Variants in AUTS2 observed in about 807,000 individuals in gnomAD.
The protein encoded by AUTS2 is activator of transcription and developmental regulator AUTS2.
A neutral mutation model predicts 112.4 loss-of-function variants in AUTS2; 17 were observed. The ratio of observed to expected loss-of-function variants is 0.15; its 90% CI spans 0.10 to 0.23. The LOEUF (loss-of-function observed/expected upper bound fraction) is 0.23, where lower values mean the gene tolerates loss of function less well. Ranked by LOEUF, AUTS2 falls within the 10% of genes least tolerant of loss-of-function variation. The pLI is 1.00. For synonymous variants in AUTS2, 751 were observed against 702.7 expected (o/e 1.07, Z -1.09); for missense variants, 1,510 against 1,701.6 (o/e 0.89, Z 1.98).
At chr7:70,229,906 G>C (rs756299224) in intron 4 of AUTS2, among the ~76,000 whole-genome samples, 17 of 151,992 alleles carry the variant, frequency 1.1e-4, no homozygotes, top group Non-Finnish European at 2.4e-4. Flanking sequence ...TGTCCAATTG[G>C]TTCTATTTAA....
At chr7:69,788,904 A>G (rs886869557) in intron 1 of AUTS2, among the ~76,000 whole-genome samples, 4 of 152,124 alleles carry the variant, frequency 2.6e-5, no homozygotes, top group African/African-American at 9.7e-5. Flanking sequence ...CGCGTCTAGC[A>G]CTCTGAGTTA....
At chr7:70,486,709 A>G (rs929634824) in intron 5 of AUTS2, among the ~76,000 whole-genome samples, 2 of 152,142 alleles carry the variant, frequency 1.3e-5, no homozygotes, top group Non-Finnish European at 2.9e-5. Flanking sequence ...CAGTGAGCCA[A>G]GATCACGCCA....
At chr7:69,690,575 A>G (rs1336803156) in intron 1 of AUTS2, among the ~76,000 whole-genome samples, 1 of 152,178 alleles carries the variant, frequency 6.6e-6, no homozygotes, top group Non-Finnish European at 1.5e-5. Flanking sequence ...GGGCAGCTCC[A>G]TATGAGGCTG....
chr7:70,137,565 A>G (rs1477785981), intron 4 of AUTS2, among the ~76,000 whole-genome samples: 1 of 152,016 alleles, frequency 6.6e-6, no homozygotes, highest in African/African-American at 2.4e-5. Flanking sequence ...TGAGGTTTCA[A>G]TTTGCATAGT....
chr7:70,290,436 C>A (rs1788656600), intron 4 of AUTS2: 1 of 1,544,090 alleles, frequency 6.5e-7, no homozygotes, highest in East Asian at 2.5e-5. Context: ...AGAGGGATGT[C>A]AGCAACACTT....
chr7:69,708,470 A>G (rs1798164032), intron 1 of AUTS2, among the ~76,000 whole-genome samples: 1 of 152,216 alleles, frequency 6.6e-6, no homozygotes, highest in African/African-American at 2.4e-5. Flanking sequence ...GGTAGTGGTC[A>G]TCTGTGAGTC....
chr7:69,678,565 G>T (rs763808826), intron 1 of AUTS2, among the ~76,000 whole-genome samples: 3 of 152,230 alleles, frequency 2.0e-5, no homozygotes, highest in Non-Finnish European at 4.4e-5. Context: ...CAGACAGGCT[G>T]AACTGGTGCT....
chr7:70,099,474 G>C (rs1196954039), intron 2 of AUTS2, among the ~76,000 whole-genome samples: 3 of 150,718 alleles, frequency 2.0e-5, no homozygotes, highest in Non-Finnish European at 4.4e-5. Flanking sequence ...CATTTTTTTG[G>C]CTTTAAGCCC....
chr7:70,118,259 A>T, intron 3 of AUTS2, 26 bp downstream of exon 3: 2 of 1,557,162 alleles, frequency 1.3e-6, no homozygotes, highest in Non-Finnish European at 1.7e-6. Flanking sequence ...AAAAAAAAAA[A>T]AAAAAAAATT....
At chr7:69,876,484 G>GTATA in intron 1 of AUTS2, among the ~76,000 whole-genome samples, 1 of 54,274 alleles carries the variant, frequency 1.8e-5, no homozygotes, top group Non-Finnish European at 3.7e-5. Context: ...AATATTTTGT[G>GTATA]TATATATATA....
chr7:69,680,471 G>A (rs1389652865), intron 1 of AUTS2, among the ~76,000 whole-genome samples: 1 of 152,050 alleles, frequency 6.6e-6, no homozygotes, highest in African/African-American at 2.4e-5. Context: ...ATTACAAAGT[G>A]TACCATCTTA....
At chr7:69,718,052 T>C (rs1374058790) in intron 1 of AUTS2, among the ~76,000 whole-genome samples, 2 of 152,192 alleles carry the variant, frequency 1.3e-5, no homozygotes, top group Non-Finnish European at 2.9e-5. Flanking sequence ...TAAAGGCTAA[T>C]TTTAACAATT....
intron 1 of AUTS2, among the ~76,000 whole-genome samples, chr7:69,738,518 T>C (rs1787131651): frequency 6.6e-6 from 1 of 152,120 alleles, no homozygotes; most frequent in Non-Finnish European, 1.5e-5. Flanking sequence ...CCCCAGCTGA[T>C]ATTTTTGTGC....
At chr7:70,308,313 G>T (rs979196718) in intron 4 of AUTS2, among the ~76,000 whole-genome samples, 1 of 152,126 alleles carries the variant, frequency 6.6e-6, no homozygotes, top group Non-Finnish European at 1.5e-5. Flanking sequence ...TTAATTTTCT[G>T]CCATCAGCAT....
chr7:70,053,544 G>GGTTTTTTT (rs1801848925), intron 2 of AUTS2, among the ~76,000 whole-genome samples: 1 of 127,848 alleles, frequency 7.8e-6, no homozygotes, highest in African/African-American at 3.1e-5. Context: ...GTTTTGGGTG[G>GGTTTTTTT]TTTTTTTTTT....
chr7:70,331,632 G>T (rs568487343), intron 4 of AUTS2, among the ~76,000 whole-genome samples: 1 of 151,056 alleles, frequency 6.6e-6, no homozygotes. Flanking sequence ...TAATCAAGTC[G>T]GCTTCATCCC....
intron 4 of AUTS2, among the ~76,000 whole-genome samples, chr7:70,392,276 A>G (rs1020345521): frequency 1.3e-5 from 2 of 152,118 alleles, no homozygotes; most frequent in African/African-American, 4.8e-5. Context: ...TTTTCTAAGG[A>G]ATGAATGACA....
chr7:70,648,758 A>T (rs957158443), intron 5 of AUTS2, among the ~76,000 whole-genome samples: 9 of 151,728 alleles, frequency 5.9e-5, no homozygotes, highest in East Asian at 3.9e-4. Flanking sequence ...ATTTTTTTTT[A>T]AATTTTTGGT....
intron 6 of AUTS2, among the ~76,000 whole-genome samples, chr7:70,755,575 GA>G (rs1166799126): frequency 1.3e-5 from 2 of 151,924 alleles, no homozygotes; most frequent in African/African-American, 2.4e-5. Context: ...GTTGTCAGAA[GA>G]ATCAGTTGAA....
Sources: allele counts gnomAD v4.1 joint callset (sites outside exome capture counted in the v4.1 genomes callset), GRCh38; gene constraint gnomAD v4.1.1; transcripts MANE v1.5; gene names NCBI Gene and HGNC (gene_info 2026-07-23, HGNC 2026-07-21).